Variants in SLC9D1 observed in about 807,000 individuals in gnomAD.
SLC9D1 encodes solute carrier family 9 member D1.
At chr13:113,537,034 C>T in the SLC9D1 span, among the ~76,000 whole-genome samples, 1 of 152,206 alleles carries the variant, frequency 6.6e-6, no homozygotes. Context: ...ATGGCTGGTC[C>T]CTCAAGCCCT....
the SLC9D1 span, among the ~76,000 whole-genome samples, chr13:113,517,032 A>G: frequency 6.6e-6 from 1 of 152,216 alleles, no homozygotes; most frequent in Non-Finnish European, 1.5e-5. Flanking sequence ...GAGAACCTTG[A>G]GACCAGGTGC....
At chr13:113,517,460 C>G in the SLC9D1 span, among the ~76,000 whole-genome samples, 3 of 152,074 alleles carry the variant, frequency 2.0e-5, no homozygotes, top group Non-Finnish European at 4.4e-5. Flanking sequence ...GATCTCCTGA[C>G]CTCGTGATCC....
chr13:113,495,411 A>G, the SLC9D1 span: 1 of 516,184 alleles, frequency 1.9e-6, no homozygotes, highest in East Asian at 2.9e-5. Context: ...TTCTTCAGAA[A>G]GGTGTCAGTT....
the SLC9D1 span, chr13:113,539,264 G>A: frequency 2.4e-4 from 284 of 1,207,774 alleles, 1 homozygote; most frequent in South Asian, 3.9e-4. This position sits in a 1 kb window ranked among gnomAD's most constrained non-coding sequence, Gnocchi z 4.8. Context: ...GTTTTGTCGT[G>A]GTGGCTCTGC....
At chr13:113,534,119 T>C in the SLC9D1 span, 3 of 1,613,328 alleles carry the variant, frequency 1.9e-6, no homozygotes, top group Non-Finnish European at 2.5e-6. Flanking sequence ...GTTTTTCTTT[T>C]ATGTCTTGTT....
the SLC9D1 span, among the ~76,000 whole-genome samples, chr13:113,492,769 G>T: frequency 6.6e-6 from 1 of 152,134 alleles, no homozygotes; most frequent in Non-Finnish European, 1.5e-5. Flanking sequence ...GTGGTGGCGA[G>T]CGCCTGTAAT....
the SLC9D1 span, among the ~76,000 whole-genome samples, chr13:113,519,353 T>TTTA: frequency 6.6e-6 from 1 of 152,000 alleles, no homozygotes; most frequent in Non-Finnish European, 1.5e-5. Flanking sequence ...GCCGCTTTTT[T>TTTA]TTTTTTTTTG....
the SLC9D1 span, among the ~76,000 whole-genome samples, chr13:113,509,237 G>T: frequency 1.4e-5 from 2 of 145,412 alleles, no homozygotes; most frequent in African/African-American, 5.2e-5. Context: ...TGGTGGGTGG[G>T]TCCCCCTGGC....
chr13:113,524,155 T>C, the SLC9D1 span: 1 of 456,698 alleles, frequency 2.2e-6, no homozygotes, highest in South Asian at 1.5e-5. Flanking sequence ...GTGTTCTTGC[T>C]GTAGTTGTAT....
At chr13:113,547,307 C>T in the SLC9D1 span, 2 of 1,614,008 alleles carry the variant, frequency 1.2e-6, no homozygotes, top group Non-Finnish European at 1.7e-6. Flanking sequence ...CAGGGCTCCA[C>T]GTGTTCCCCA....
chr13:113,505,848 A>C, the SLC9D1 span: 2 of 152,172 alleles, frequency 1.3e-5, no homozygotes, highest in Non-Finnish European at 2.9e-5. Flanking sequence ...CTTACCTAGA[A>C]CTTTTTGTTT....
At chr13:113,495,173 T>C in the SLC9D1 span, among the ~76,000 whole-genome samples, 1 of 152,220 alleles carries the variant, frequency 6.6e-6, no homozygotes, top group African/African-American at 2.4e-5. Context: ...CTCTCTTAAA[T>C]AGACTTGGTT....
the SLC9D1 span, among the ~76,000 whole-genome samples, chr13:113,509,289 TC>T: frequency 1.8e-5 from 2 of 111,704 alleles, no homozygotes; most frequent in African/African-American, 8.5e-5. Context: ...GGTGGGTGGG[TC>T]CCCCCTGGAG....
chr13:113,527,208 T>G, the SLC9D1 span: 1 of 152,390 alleles, frequency 6.6e-6, no homozygotes, highest in Admixed American at 6.5e-5. Flanking sequence ...AATACGATTT[T>G]GAAAACTCAG....
At chr13:113,517,028 C>T in the SLC9D1 span, among the ~76,000 whole-genome samples, 1 of 152,234 alleles carries the variant, frequency 6.6e-6, no homozygotes, top group Non-Finnish European at 1.5e-5. Context: ...GCAAGAGAAC[C>T]TTGAGACCAG....
At chr13:113,508,031 C>T in the SLC9D1 span, among the ~76,000 whole-genome samples, 3 of 152,262 alleles carry the variant, frequency 2.0e-5, no homozygotes, top group Non-Finnish European at 1.5e-5. Context: ...GCACGGGTCC[C>T]GTGTTGAACA....
the SLC9D1 span, among the ~76,000 whole-genome samples, chr13:113,494,375 T>C: frequency 2.0e-5 from 3 of 152,160 alleles, no homozygotes; most frequent in Non-Finnish European, 4.4e-5. Context: ...TCTGCCTTAG[T>C]GACCTTTGCT....
the SLC9D1 span, among the ~76,000 whole-genome samples, chr13:113,513,943 G>A: frequency 6.6e-6 from 1 of 152,222 alleles, no homozygotes; most frequent in East Asian, 1.9e-4. Context: ...AGGCTGAGAT[G>A]GAGCCGGGGG....
chr13:113,515,286 G>C, the SLC9D1 span, among the ~76,000 whole-genome samples: 1 of 152,230 alleles, frequency 6.6e-6, no homozygotes, highest in Non-Finnish European at 1.5e-5. Flanking sequence ...GAATGCTGCA[G>C]AAGCAAATGT....
Sources: allele counts gnomAD v4.1 joint callset (sites outside exome capture counted in the v4.1 genomes callset), GRCh38; gene constraint gnomAD v4.1.1; non-coding constraint Gnocchi (gnomAD v3.1); transcripts MANE v1.5; gene names NCBI Gene and HGNC (gene_info 2026-07-23, HGNC 2026-07-21).